Variants in NOTCH3 observed in about 807,000 individuals in gnomAD.
NOTCH3 encodes neurogenic locus notch homolog protein 3.
In NOTCH3, 86 loss-of-function variants were observed where a neutral mutation model predicts 213.3. The observed-to-expected ratio is 0.40, with a 90% confidence interval of 0.34 to 0.48. NOTCH3 has a LOEUF of 0.48. NOTCH3 is among the 20% of genes least tolerant of loss of function. The pLI is 0.57. For synonymous variants in NOTCH3, 1,354 were observed against 1,355.9 expected (o/e 1.00, Z 0.03); for missense variants, 2,783 against 3,272.6 (o/e 0.85, Z 3.65).
intron 28 of NOTCH3, among the ~76,000 whole-genome samples, chr19:15,167,635 C>T (rs1568348396): frequency 6.6e-6 from 1 of 152,190 alleles, no homozygotes; most frequent in Non-Finnish European, 1.5e-5. Flanking sequence ...CTCACTGCAA[C>T]CCCCGCCTCC....
At position 15,191,824 on chromosome 19, in the gene NOTCH3, T is replaced by C. The variant is rs2145440802; in HGVS notation, c.723A>G (p.Pro241=). 1 of 1,613,998 alleles carries C rather than the reference T, an allele frequency of 6.2e-7. No individual in the cohort carries two copies. Among genetic ancestry groups the C allele is most frequent in the Non-Finnish European group, 8.5e-7 (1 of 1,180,036 alleles). Residue 241 remains proline (P), a synonymous_variant, in exon 5 of 33, where the codon CCA becomes CCG. Coordinates refer to ENST00000263388, the MANE Select transcript of NOTCH3 (RefSeq NM_000435.3). ...TCCCCCCATTGAGACATCGGTGTCCTGGACAGTCGTCCACGTTCACTTCAC... is the reference window on the plus strand; with the variant it reads ...TCCCCCCATTGAGACATCGGTGTCCCGGACAGTCGTCCACGTTCACTTCAC... ...QNCEVNVDDC[P]GHRCLNGGTC...
intron 25 of NOTCH3, among the ~76,000 whole-genome samples, chr19:15,173,784 G>GAGAAGAAGA (rs1245899990): frequency 6.8e-6 from 1 of 146,548 alleles, no homozygotes; most frequent in South Asian, 2.1e-4. Flanking sequence ...GAAGGAGAAG[G>GAGAAGAAGA]AGAAGAAGAA....
chr19:15,170,590 GGGCGGGGCTTTGGCCTCA>G lies in NOTCH3; in HGVS notation c.4892-55_4892-38del, dbSNP rs771193946. ...AAGCAGAGGGCGGGGCTTCAGCCGA[GGGCGGGGCTTTGGCCTCA>G]GGCGGGGCTTCGGCCGCCCCCAGCT... On this transcript the variant is annotated intron_variant, in intron 26 of 32. Coordinates refer to ENST00000263388, the MANE Select transcript of NOTCH3 (RefSeq NM_000435.3). 27 of 1,594,092 alleles carry G rather than the reference GGGCGGGGCTTTGGCCTCA, an allele frequency of 1.7e-5. No individual in the cohort carries two copies. In the South Asian group the frequency reaches 2.8e-4, roughly 16 times the overall value.
Position 15,200,789 on chromosome 19 carries a change from T to C in NOTCH3, c.117A>G (p.Ala39=). The stretch of plus-strand genomic sequence containing the variant: ...ATCCGCCAGGTCCCGGCCCCTCACC[T>C]GCAGCCCCCGGCCCCGCTAGCAGCA... The part of the protein sequence containing the change: ...LLLLLAGPGA[A]APPCLDGSPC... Residue 39 remains alanine (A), a splice_region_variant and synonymous_variant, in exon 1 of 33, where the codon GCA becomes GCG. Transcript: ENST00000263388. 7.8e-7 allele frequency: 1 copy of C among 1,282,254 alleles called. No individual in the cohort carries two copies. Among genetic ancestry groups the C allele is most frequent in the Non-Finnish European group, 9.9e-7 (1 of 1,008,624 alleles). 79.4% of individuals were successfully genotyped at this position (1,282,254 alleles called of 1,614,324 possible).
At chr19:15,180,280 G>A (rs758003047) in intron 19 of NOTCH3, 24 bp from the exon 20 acceptor site, 51 of 1,612,468 alleles carry the variant, frequency 3.2e-5, no homozygotes, top group Non-Finnish European at 4.1e-5. Context: ...AGTGGCACAG[G>A]AACAGAGGTA....
chr19:15,177,667 C>A lies in NOTCH3; in HGVS notation c.4261G>T (p.Val1421Leu). 1 of 1,551,414 alleles carries A rather than the reference C, an allele frequency of 6.4e-7. No homozygotes were observed. The highest frequency in any genetic ancestry group is 8.7e-7 in the Non-Finnish European group (1 of 1,155,958). ...GWDGGDCSLS[V>L]GDPWRQCEAL... ...TCGCATTGCCGCCAGGGGTCGCCCA[C>A]GCTCAGCGAGCAGTCGCCGCCGTCC... The change falls in exon 24 of 33, where the codon GTG (valine) becomes TTG (leucine). Residue 1421 changes from valine (V) to leucine (L), a missense_variant. Transcript: ENST00000263388.
chr19:15,196,168 C>T (rs1046040671), intron 2 of NOTCH3, among the ~76,000 whole-genome samples: 2 of 151,748 alleles, frequency 1.3e-5, no homozygotes, highest in Non-Finnish European at 2.9e-5. Flanking sequence ...CCACTCCGGG[C>T]GATCCGGGCT....
rs1242208956 is a variant in NOTCH3 at position 15,180,731 on chromosome 19, C to G, written c.3092G>C (p.Arg1031Pro). 7 of 1,573,324 alleles carry G rather than the reference C, an allele frequency of 4.4e-6. No individual in the cohort carries two copies. The Admixed American group carries it at 9.4e-5, about 21-fold the overall frequency. The change falls in exon 19 of 33, where the codon CGC becomes CCC. Residue 1031 changes from arginine (R) to proline (P), a missense_variant. Arg to Pro is a moderately radical substitution (Grantham distance 103). Coordinates refer to ENST00000263388, the MANE Select transcript of NOTCH3 (RefSeq NM_000435.3). Reference sequence around the variant, plus strand: ...GGGCAAGCTTCGGATGTCACAGAGGCGTCCGCTCCATCCAGGGGGACAAAG... The same window carrying G: ...GGGCAAGCTTCGGATGTCACAGAGGGGTCCGCTCCATCCAGGGGGACAAAG... Reference protein sequence around the residue: ...YCLCPPGWSGRLCDIRSLPCR... With the variant: ...YCLCPPGWSGPLCDIRSLPCR...
chr19:15,177,219 A>T (rs1489476525), intron 24 of NOTCH3, among the ~76,000 whole-genome samples: 1 of 151,670 alleles, frequency 6.6e-6, no homozygotes, highest in East Asian at 1.9e-4. Flanking sequence ...ACTGCACTCT[A>T]GCCTGGGCCA....
In NOTCH3 at chr19:15,187,003, C is replaced by T; in HGVS notation, c.1841-15G>A. 1.2e-6 allele frequency: 2 copies of T among 1,613,048 alleles called. No individual in the cohort carries two copies. The highest frequency in any genetic ancestry group is 1.7e-6 in the Non-Finnish European group (2 of 1,179,296). ...GCAGTTCACACCTAGGGGCCAGGAA[C>T]ATGGCATGGAGTGGCCACCACTGTG... On this transcript the variant is annotated splice_polypyrimidine_tract_variant and intron_variant, in intron 11 of 32. Coordinates refer to ENST00000263388, the MANE Select transcript of NOTCH3 (RefSeq NM_000435.3).
rs1191703140 is a variant in NOTCH3, at chr19:15,173,050, CTCCCTCTTCTTCTTCT to C, written c.4736+1002_4736+1017del. Among the ~76,000 whole-genome samples, 6 of 6,114 alleles carry C rather than the reference CTCCCTCTTCTTCTTCT, an allele frequency of 9.8e-4. No homozygotes were observed. In the African/African-American group the frequency reaches 0.014, roughly 14 times the overall value. 4.0% of individuals were successfully genotyped at this position (6,114 alleles called of 152,430 possible). A position where few individuals can be genotyped will look rare whatever the true frequency, so the allele number is the denominator to read the frequency against. Reference sequence around the variant, plus strand: ...CTCCCCCTCCCCCTCCCCCTCCCTCCTCCCTCTTCTTCTTCTTCTTCTTCTTCTTCTTCTTCTTCTT... The same window carrying C: ...CTCCCCCTCCCCCTCCCCCTCCCTCCTCTTCTTCTTCTTCTTCTTCTTCTT... On this transcript the variant is annotated intron_variant, in intron 25 of 32. Transcript: ENST00000263388.
At position 15,177,791 on chromosome 19, in the gene NOTCH3, G is replaced by A. The variant is rs945073835; in HGVS notation, c.4137C>T (p.Pro1379=). ...GPRCEAPAAA[P]EVSEEPRCPR... ...GGCACCGCGGCTCCTCCGAGACCTC[G>A]GGTGCCGCGGCGGGCGCCTCGCAGC... Residue 1379 remains proline, a synonymous_variant, in exon 24 of 33, where the codon CCC becomes CCT. Coordinates refer to ENST00000263388, the MANE Select transcript of NOTCH3 (RefSeq NM_000435.3). The A allele has an allele frequency of 1.8e-5, 23 of 1,277,280 alleles. No homozygotes were observed. Among genetic ancestry groups the A allele is most frequent in the African/African-American group, 3.1e-5 (2 of 63,946 alleles). 79.1% of individuals were successfully genotyped at this position (1,277,280 alleles called of 1,614,324 possible).
At chr19:15,199,835 G>A (rs1055691104) in intron 1 of NOTCH3, among the ~76,000 whole-genome samples, 9 of 152,118 alleles carry the variant, frequency 5.9e-5, no homozygotes, top group African/African-American at 2.2e-4. Context: ...CCACACTGGC[G>A]TCTGGGACCC....
rs2046937325 is a variant in NOTCH3 at position 15,192,427 on chromosome 19, A to G, written c.290T>C (p.Val97Ala). 9 of 1,612,784 alleles carry G rather than the reference A, an allele frequency of 5.6e-6. No homozygotes were observed. Among genetic ancestry groups the G allele is most frequent in the Non-Finnish European group, 6.8e-6 (8 of 1,179,978 alleles). The stretch of plus-strand genomic sequence containing the variant: ...TGAGAATCGGGCGGTGCCAGCCACC[A>G]CTGAACTCTGGCAGACACCACGGCC... ...CAGRGVCQSS[V>A]VAGTARFSCR... Residue 97 changes from valine (V) to alanine (A), a missense_variant, in exon 3 of 33, where the codon GTG (valine) becomes GCG (alanine). Coordinates refer to ENST00000263388, the MANE Select transcript of NOTCH3 (RefSeq NM_000435.3).
chr19:15,193,927 C>A (rs1413926641), intron 2 of NOTCH3, among the ~76,000 whole-genome samples: 3 of 150,936 alleles, frequency 2.0e-5, no homozygotes, highest in Admixed American at 1.3e-4. Flanking sequence ...ACTAAAAATA[C>A]AAAAATTAGC....
chr19:15,180,375 C>T (rs2046829340), intron 19 of NOTCH3, 119 bp from the exon 20 acceptor site: 3 of 1,148,958 alleles, frequency 2.6e-6, no homozygotes, highest in Non-Finnish European at 3.8e-6. Context: ...CACCCACACT[C>T]CATCAGGTTG....
Position 15,177,584 on chromosome 19 carries a change from C to T in NOTCH3, c.4344G>A (p.Ser1448=), listed in dbSNP as rs746169781. The change falls in exon 24 of 33, where the codon TCG becomes TCA. Residue 1448 remains serine, a synonymous_variant. Transcript: ENST00000263388. ...NNSRCDPACS[S]PACLYDNFDC... is the part of the protein sequence containing the mutation. ...CGAAGTTGTCGTAGAGGCAGGCGGG[C>T]GAGCTGCAGGCGGGGTCGCAGCGGC... The T allele has an allele frequency of 3.1e-6, 5 of 1,605,038 alleles. No homozygotes were observed. Among genetic ancestry groups the T allele is most frequent in the Non-Finnish European group, 4.2e-6 (5 of 1,176,944 alleles).
chr19:15,168,150 T>G (rs778456267), intron 28 of NOTCH3, among the ~76,000 whole-genome samples: 21 of 152,162 alleles, frequency 1.4e-4, no homozygotes, highest in Admixed American at 2.6e-4. Context: ...CCTTAGTAGC[T>G]GGAAGGCTCT....
chr19:15,195,949 C>T (rs2046966931), intron 2 of NOTCH3, among the ~76,000 whole-genome samples: 1 of 130,276 alleles, frequency 7.7e-6, no homozygotes, highest in Non-Finnish European at 1.6e-5. Context: ...GGGGGCACGG[C>T]GGGTGAGGCG....
Sources: gnomAD v4.1 joint callset for allele counts (sites outside exome capture counted in the v4.1 genomes callset) on GRCh38, gnomAD v4.1.1 for gene constraint, MANE v1.5 for transcripts, NCBI Gene and HGNC (gene_info 2026-07-23, HGNC 2026-07-21) for gene names.